Variants in RASAL2 observed in about 807,000 individuals in gnomAD.
RASAL2 encodes RAS protein activator like 2.
In RASAL2, 58 loss-of-function variants were observed where a neutral mutation model predicts 128.9. The observed-to-expected ratio is 0.45, with a 90% confidence interval of 0.36 to 0.56. The LOEUF (loss-of-function observed/expected upper bound fraction) is 0.56, where lower values mean the gene tolerates loss of function less well. RASAL2 is among the 20% of genes least tolerant of loss of function. The pLI is 0.00. For missense variants in RASAL2, 1,360 were observed against 1,601.6 expected, an observed-to-expected ratio of 0.85 and a Z score of 2.57; for synonymous variants, 561 against 580.8, an observed-to-expected ratio of 0.97 and a Z score of 0.49.
chr1:178,466,010 C>G lies in RASAL2; in HGVS notation c.3478C>G (p.Gln1160Glu). ...EYERRLLVQE[Q>E]QMQKLLLEYK... Reference sequence around the variant, plus strand: ...TGAACGCCGCTTGCTGGTGCAGGAGCAGCAGATGCAGAAGCTGCTGCTGGA... The same window carrying G: ...TGAACGCCGCTTGCTGGTGCAGGAGGAGCAGATGCAGAAGCTGCTGCTGGA... The change falls in exon 16 of 18, where the codon CAG (glutamine) becomes GAG (glutamate). Residue 1160 changes from glutamine to glutamate, a missense_variant. Physicochemically the swap from Gln to Glu is conservative, Grantham distance 29. Transcript: ENST00000367649. 6.4e-7 allele frequency: 1 copy of G among 1,567,564 alleles called. No individual in the cohort carries two copies. The highest frequency in any genetic ancestry group is 1.4e-5 in the African/African-American group (1 of 74,006).
At chr1:178,164,087 G>T (rs1571569256) in intron 1 of RASAL2, among the ~76,000 whole-genome samples, 1 of 152,128 alleles carries the variant, frequency 6.6e-6, no homozygotes, top group Non-Finnish European at 1.5e-5. Context: ...TGGATGAAGA[G>T]TATACAGGAA....
chr1:178,401,037 C>T (rs1673592588), intron 4 of RASAL2, among the ~76,000 whole-genome samples: 2 of 152,200 alleles, frequency 1.3e-5, no homozygotes, highest in African/African-American at 4.8e-5. Context: ...AGGCGTGAGC[C>T]ACCCCACCCA....
intron 1 of RASAL2, among the ~76,000 whole-genome samples, chr1:178,128,409 G>T (rs1156971371): frequency 6.6e-6 from 1 of 152,074 alleles, no homozygotes; most frequent in Non-Finnish European, 1.5e-5. Flanking sequence ...TTGTTAGTTT[G>T]TTATGAGGAT....
At chr1:178,314,506 T>C (rs1217040188) in intron 3 of RASAL2, among the ~76,000 whole-genome samples, 10 of 152,364 alleles carry the variant, frequency 6.6e-5, no homozygotes, top group Non-Finnish European at 1.0e-4. Context: ...ACAAGTGTTA[T>C]GTTTCAAACT....
rs1378198036 is a variant in RASAL2, at chr1:178,332,550, T to A, written c.457+32432T>A. Among the ~76,000 whole-genome samples the A allele has an allele frequency of 2.0e-5, 3 of 151,872 alleles. No individual in the cohort carries two copies. In the East Asian group the frequency reaches 5.8e-4, roughly 29 times the overall value. ...AAATCAATGTTGTGGCCTGACACTT[T>A]GCCAGTCAGATGGAAACCATTCTTT... On this transcript the variant is annotated intron_variant, in intron 3 of 17. Transcript: ENST00000367649.
intron 1 of RASAL2, among the ~76,000 whole-genome samples, chr1:178,129,874 AT>A (rs1207085770): frequency 2.0e-5 from 3 of 152,174 alleles, no homozygotes; most frequent in Non-Finnish European, 1.5e-5. Context: ...TTGTTGAAAA[AT>A]AAATGTTTGA....
intron 1 of RASAL2, among the ~76,000 whole-genome samples, chr1:178,101,783 C>A (rs979230625): frequency 3.3e-5 from 5 of 152,182 alleles, no homozygotes; most frequent in Admixed American, 1.3e-4. Context: ...TCCTTAGCCT[C>A]CTGATTTAGC....
At chr1:178,269,417 A>G (rs938101326) in intron 1 of RASAL2, among the ~76,000 whole-genome samples, 2 of 152,240 alleles carry the variant, frequency 1.3e-5, no homozygotes, top group Admixed American at 6.5e-5. Context: ...GAGCAATTCT[A>G]TCCTAAGTAG....
chr1:178,202,692 C>T (rs1238948137), intron 1 of RASAL2, among the ~76,000 whole-genome samples: 1 of 152,162 alleles, frequency 6.6e-6, no homozygotes, highest in African/African-American at 2.4e-5. Context: ...GTGGATGGGC[C>T]TCTCTGAGTG....
At chr1:178,325,126 C>A (rs1432094307) in intron 3 of RASAL2, among the ~76,000 whole-genome samples, 1 of 152,134 alleles carries the variant, frequency 6.6e-6, no homozygotes, top group Non-Finnish European at 1.5e-5. Context: ...AGGAAGCTTC[C>A]ATTCATTTCA....
chr1:178,220,395 T>TA (rs1663573890), intron 1 of RASAL2, among the ~76,000 whole-genome samples: 1 of 152,178 alleles, frequency 6.6e-6, no homozygotes, highest in African/African-American at 2.4e-5. Flanking sequence ...TTTGCTATCT[T>TA]ACGTAGGTTT....
intron 1 of RASAL2, among the ~76,000 whole-genome samples, chr1:178,191,465 C>T (rs1662493311): frequency 6.6e-6 from 1 of 152,114 alleles, no homozygotes; most frequent in Admixed American, 6.6e-5. Context: ...ATTATTATAT[C>T]CATCTTGACA....
intron 3 of RASAL2, among the ~76,000 whole-genome samples, chr1:178,335,129 G>A (rs1557910112): frequency 6.6e-6 from 1 of 151,896 alleles, no homozygotes. Context: ...ATAAGTAGAA[G>A]TACCACAGAT....
At chr1:178,439,392 A>G (rs1459061178) in intron 5 of RASAL2, 30 bp from the exon 6 acceptor site, 2 of 1,565,998 alleles carry the variant, frequency 1.3e-6, no homozygotes, top group Admixed American at 1.9e-5. Context: ...GCCAAGTTAC[A>G]CTACCTTAAA....
chr1:178,459,862 A>G (rs1678050566), intron 14 of RASAL2, among the ~76,000 whole-genome samples: 1 of 152,188 alleles, frequency 6.6e-6, no homozygotes, highest in African/African-American at 2.4e-5. Flanking sequence ...CATTTGATTT[A>G]GTAAGCATTT....
rs576451985 is a variant in RASAL2 at position 178,333,153 on chromosome 1, C to T, written c.457+33035C>T. 6.6e-5 allele frequency among the ~76,000 whole-genome samples: 10 copies of T among 152,214 alleles called. No homozygotes were observed. The South Asian group carries it at 1.0e-3, about 16-fold the overall frequency. ...ACGCCATTCTCCTGCCTCAGCCTCCCGAGTAGCTGGGACTACAGGCGCCCG... is the reference window on the plus strand; with the variant it reads ...ACGCCATTCTCCTGCCTCAGCCTCCTGAGTAGCTGGGACTACAGGCGCCCG... On this transcript the variant is annotated intron_variant, in intron 3 of 17. Coordinates refer to ENST00000367649, the MANE Select transcript of RASAL2 (RefSeq NM_170692.4).
At chr1:178,448,525 A>G (rs1677168634) in intron 9 of RASAL2, among the ~76,000 whole-genome samples, 2 of 152,152 alleles carry the variant, frequency 1.3e-5, no homozygotes, top group Non-Finnish European at 2.9e-5. Flanking sequence ...TCATATAGAC[A>G]TTAAGAATGG....
At chr1:178,441,709 G>T in intron 7 of RASAL2, 62 bp downstream of exon 7, 3 of 1,294,496 alleles carry the variant, frequency 2.3e-6, no homozygotes, top group South Asian at 1.2e-5. Context: ...TTGATAGAAG[G>T]TAAGTGTGGT....
In RASAL2 at chr1:178,454,393, T is replaced by C. The variant is rs545166674; in HGVS notation, c.2010-54T>C. 18 of 1,422,884 alleles carry C rather than the reference T, an allele frequency of 1.3e-5. No homozygotes were observed. In the East Asian group the frequency reaches 2.7e-4, roughly 22 times the overall value. 88.1% of individuals were successfully genotyped at this position (1,422,884 alleles called of 1,614,324 possible). On this transcript the variant is annotated intron_variant, in intron 11 of 17. Coordinates refer to ENST00000367649, the MANE Select transcript of RASAL2 (RefSeq NM_170692.4). ...AGTTCTGTGTAATGTCAAATCAAAA[T>C]GATCATATCTCTCTTGAATATGTTC... is the stretch of plus-strand genomic sequence containing the variant.
Sources: gnomAD v4.1 joint callset for allele counts (sites outside exome capture counted in the v4.1 genomes callset) on GRCh38, gnomAD v4.1.1 for gene constraint, MANE v1.5 for transcripts, NCBI Gene and HGNC (gene_info 2026-07-23, HGNC 2026-07-21) for gene names.